FRMPD4: variants seen among roughly 807,000 people sequenced by gnomAD.
FRMPD4 encodes the protein FERM and PDZ domain containing 4, also known as FERM and PDZ domain-containing protein 4.
FRMPD4 carries 22 observed loss-of-function variants against 94.1 expected under a neutral mutation model. The observed-to-expected ratio is 0.23, with a 90% CI of 0.17 to 0.33. The LOEUF is 0.33. Among genes scored for constraint, FRMPD4 ranks in the 10% least tolerant of loss-of-function variants. The pLI, the probability that FRMPD4 is intolerant of heterozygous loss-of-function variation, is 1.00. For missense variants in FRMPD4, 1,111 were observed against 1,339.9 expected (o/e 0.83, Z 2.67); for synonymous variants, 631 against 548.6 (o/e 1.15, Z -2.10).
intron 2 of FRMPD4, among the ~76,000 whole-genome samples, chrX:12,537,643 GGTA>G (rs2058354826): frequency 9.4e-6 from 1 of 106,659 alleles, no homozygotes; most frequent in African/African-American, 3.4e-5. Flanking sequence ...GTAGAGACTG[GGTA>G]TCACCATGTT....
chrX:11,886,116 C>T (rs1283791024), intron 3 of FRMPD4, among the ~76,000 whole-genome samples: 1 of 111,415 alleles, frequency 9.0e-6, no homozygotes, highest in Non-Finnish European at 1.9e-5. Flanking sequence ...GCTGCACATG[C>T]CCCCAAGGAA....
intron 3 of FRMPD4, among the ~76,000 whole-genome samples, chrX:12,023,744 A>AT (rs1388209835): frequency 9.1e-5 from 10 of 109,347 alleles, no homozygotes; most frequent in Admixed American, 1.9e-4. Flanking sequence ...ACTCTGCTCC[A>AT]TTTTTTTTTA....
intron 1 of FRMPD4, among the ~76,000 whole-genome samples, chrX:12,350,388 C>T (rs760715065): frequency 1.3e-4 from 14 of 111,035 alleles, no homozygotes; most frequent in Non-Finnish European, 2.5e-4. Flanking sequence ...GTCTTAAGTG[C>T]AAAACTTCTG....
intron 1 of FRMPD4, among the ~76,000 whole-genome samples, chrX:12,309,855 G>A (rs748845185): frequency 1.3e-3 from 147 of 112,592 alleles, no homozygotes; most frequent in African/African-American, 4.6e-3. Context: ...GCTCTGCTCT[G>A]TTGACACAGT....
chrX:12,146,775 C>G (rs1177605442), intron 1 of FRMPD4, among the ~76,000 whole-genome samples: 3 of 112,315 alleles, frequency 2.7e-5, no homozygotes, highest in Non-Finnish European at 5.6e-5. Context: ...ATTTTTGTGG[C>G]CCATCTCTTG....
intron 2 of FRMPD4, among the ~76,000 whole-genome samples, chrX:12,514,489 GTTCAGT>G (rs2058076062): frequency 1.8e-5 from 2 of 112,054 alleles, no homozygotes; most frequent in Non-Finnish European, 3.8e-5. Context: ...TTTGTCTTTA[GTTCAGT>G]TTATGTGATG....
intron 1 of FRMPD4, among the ~76,000 whole-genome samples, chrX:12,195,843 G>A (rs2056560876): frequency 9.0e-6 from 1 of 111,386 alleles, no homozygotes; most frequent in Admixed American, 9.5e-5. Context: ...ATCATAATCT[G>A]TAAATGTATA....
Position 12,168,622 on chromosome X carries a change from C to CTTT in FRMPD4, c.41+29629_41+29631dup, listed in dbSNP as rs35114337. ...TTAGAGGGTCTTAAAGACACTGACC[C>CTTT]TTTTTTTTTTTTTTTTTTTTTGAGA... On this transcript the variant is annotated intron_variant, in intron 1 of 16. Transcript: ENST00000675598. Among the ~76,000 whole-genome samples the CTTT allele has an allele frequency of 1.9e-3, 131 of 70,118 alleles. 2 individuals are homozygous for CTTT. The highest frequency in any genetic ancestry group is 2.5e-3 in the African/African-American group (45 of 17,726). The allele number at this position is 70,118 out of a possible 115,157, so 60.9% of individuals were successfully genotyped here.
chrX:11,929,873 C>T (rs1280198721), intron 3 of FRMPD4, among the ~76,000 whole-genome samples: 2 of 109,468 alleles, frequency 1.8e-5, no homozygotes, highest in African/African-American at 6.6e-5. Flanking sequence ...TTTGGGAGGC[C>T]GAGGCTGGTG....
At chrX:12,621,968 G>GAGAAAGAAAGAA (rs1171799513) in intron 4 of FRMPD4, among the ~76,000 whole-genome samples, 600 of 41,045 alleles carry the variant, frequency 0.015, 55 homozygotes, top group African/African-American at 0.023. Flanking sequence ...AAGAAAGAAA[G>GAGAAAGAAAGAA]AGAAAGAAAG....
intron 1 of FRMPD4, among the ~76,000 whole-genome samples, chrX:12,242,680 T>G (rs2147795674): frequency 8.9e-6 from 1 of 112,700 alleles, no homozygotes; most frequent in Non-Finnish European, 1.9e-5. Context: ...TTGACCTGTA[T>G]GCAAAGTATA....
chrX:12,171,126 A>G (rs2056213806), intron 1 of FRMPD4, among the ~76,000 whole-genome samples: 1 of 112,367 alleles, frequency 8.9e-6, no homozygotes, highest in African/African-American at 3.2e-5. Flanking sequence ...GGTCATAAGA[A>G]TCTGTAACCT....
In FRMPD4 at chrX:12,474,040, T is replaced by C. The variant is rs764633209; in HGVS notation, c.42-24640T>C. ...CTTTTCAGCACCACACCACACCTAT[T>C]CCAAATTGACCACATAGTTGGAAGT... On this transcript the variant is annotated intron_variant, in intron 1 of 16. Coordinates refer to ENST00000675598, the MANE Select transcript of FRMPD4 (RefSeq NM_001368397.1). Among the ~76,000 whole-genome samples, 68 of 109,504 alleles carry C rather than the reference T, an allele frequency of 6.2e-4. 3 individuals are homozygous for C. In the South Asian group the frequency reaches 0.026, roughly 42 times the overall value.
chrX:12,660,985 G>C (rs2059707691), intron 4 of FRMPD4, among the ~76,000 whole-genome samples: 1 of 112,415 alleles, frequency 8.9e-6, no homozygotes. Flanking sequence ...TGACATGGTG[G>C]TCACAGGGTT....
At chrX:12,416,192 CCTCCTTTCTT>C (rs1187036669) in intron 1 of FRMPD4, among the ~76,000 whole-genome samples, 1 of 109,842 alleles carries the variant, frequency 9.1e-6, no homozygotes, top group Non-Finnish European at 1.9e-5. Context: ...CGCCCTTCCT[CCTCCTTTCTT>C]CCCTTTCTCC....
intron 1 of FRMPD4, among the ~76,000 whole-genome samples, chrX:12,477,368 C>T (rs954208822): frequency 8.1e-5 from 9 of 111,788 alleles, no homozygotes; most frequent in African/African-American, 2.3e-4. Flanking sequence ...GACGAGTTAA[C>T]GGGTGCAGCA....
chrX:12,678,915 C>G (rs1473519812), intron 5 of FRMPD4, among the ~76,000 whole-genome samples: 1 of 112,601 alleles, frequency 8.9e-6, no homozygotes, highest in Non-Finnish European at 1.9e-5. Context: ...TTCTGGTGTC[C>G]CATGAGCTAG....
At chrX:12,099,068 TG>T (rs1357108460) in intron 3 of FRMPD4, among the ~76,000 whole-genome samples, 264 of 18,036 alleles carry the variant, frequency 0.015, 1 homozygote, top group African/African-American at 0.056. Flanking sequence ...TGTTGTGGGG[TG>T]GGGGGAGGGG....
rs182955138 is a variant in FRMPD4, at chrX:12,265,760, C to A, written c.41+126748C>A. 6.4e-5 allele frequency among the ~76,000 whole-genome samples: 7 copies of A among 109,945 alleles called. No individual in the cohort carries two copies. The South Asian group carries it at 1.2e-3, about 19-fold the overall frequency. On this transcript the variant is annotated intron_variant, in intron 1 of 16. Coordinates refer to ENST00000675598, the MANE Select transcript of FRMPD4 (RefSeq NM_001368397.1). ...TTAGATCTCAGTTAAGAACCCCCCC[C>A]CAAAACTGCACATGAATTAGATGTT...
Sources: gnomAD v4.1 joint callset for allele counts (sites outside exome capture counted in the v4.1 genomes callset) on GRCh38, gnomAD v4.1.1 for gene constraint, MANE v1.5 for transcripts, NCBI Gene and HGNC (gene_info 2026-07-23, HGNC 2026-07-21) for gene names.